Variants in CEP170 observed in about 807,000 individuals in gnomAD.
The protein encoded by CEP170 is centrosomal protein 170, also known as centrosomal protein of 170 kDa.
A neutral mutation model predicts 151.9 loss-of-function variants in CEP170; 21 were observed. The observed-to-expected ratio is 0.14, with a 90% CI of 0.10 to 0.20. CEP170 has a LOEUF of 0.20. CEP170 is among the 10% of genes least tolerant of loss of function. The pLI is 1.00. For missense variants in CEP170, 964 were observed against 1,892.9 expected (o/e 0.51, Z 9.11); for synonymous variants, 356 against 648.8 (o/e 0.55, Z 6.86).
At chr1:243,237,030 A>G (rs748319197) in intron 1 of CEP170, among the ~76,000 whole-genome samples, 1 of 152,236 alleles carries the variant, frequency 6.6e-6, no homozygotes, top group Non-Finnish European at 1.5e-5. Flanking sequence ...TTTCCATTGC[A>G]TTATCAGTAT....
At chr1:243,188,161 T>C (rs1228399474) in intron 8 of CEP170, among the ~76,000 whole-genome samples, 1 of 152,234 alleles carries the variant, frequency 6.6e-6, no homozygotes, top group East Asian at 1.9e-4. Context: ...TATTTCATTG[T>C]TGTAATGGCT....
chr1:243,181,932 C>A (rs2059641998), intron 10 of CEP170, among the ~76,000 whole-genome samples: 1 of 152,054 alleles, frequency 6.6e-6, no homozygotes, highest in Admixed American at 6.6e-5. Flanking sequence ...TTAATCTCAT[C>A]TCTTATTTTG....
chr1:243,171,938 T>C (rs2058875085), intron 11 of CEP170, among the ~76,000 whole-genome samples: 2 of 152,292 alleles, frequency 1.3e-5, no homozygotes, highest in South Asian at 2.1e-4. Context: ...AACCAAGCAA[T>C]CCTTAATTAA....
chr1:243,162,789 C>T (rs1046014207), intron 13 of CEP170, among the ~76,000 whole-genome samples: 7 of 152,064 alleles, frequency 4.6e-5, no homozygotes, highest in Non-Finnish European at 7.4e-5. Flanking sequence ...AGGAGTACAG[C>T]AGAAGAAATT....
intron 14 of CEP170, among the ~76,000 whole-genome samples, chr1:243,144,714 T>C (rs2056258851): frequency 6.6e-6 from 1 of 152,194 alleles, no homozygotes; most frequent in Non-Finnish European, 1.5e-5. Context: ...TGTGATATAG[T>C]AAAATATGTA....
intron 1 of CEP170, among the ~76,000 whole-genome samples, chr1:243,229,246 A>C (rs1460436310): frequency 1.3e-5 from 2 of 152,244 alleles, no homozygotes; most frequent in Non-Finnish European, 2.9e-5. Context: ...AACACAACCA[A>C]GGTCTTAACC....
intron 7 of CEP170, among the ~76,000 whole-genome samples, chr1:243,195,631 A>C (rs1255805444): frequency 1.3e-5 from 2 of 152,042 alleles, no homozygotes; most frequent in Non-Finnish European, 2.9e-5. Flanking sequence ...AGTATGCTAC[A>C]GGATAAATTA....
chr1:243,177,927 C>T (rs1321368898), intron 10 of CEP170, among the ~76,000 whole-genome samples: 1 of 152,108 alleles, frequency 6.6e-6, no homozygotes, highest in Non-Finnish European at 1.5e-5. Context: ...TGCACATTCA[C>T]AGCAGTGTTA....
intron 1 of CEP170, among the ~76,000 whole-genome samples, chr1:243,227,147 T>C (rs549651079): frequency 1.3e-5 from 2 of 152,304 alleles, no homozygotes; most frequent in African/African-American, 4.8e-5. Flanking sequence ...TCGTTAATAT[T>C]ACCACCTATC....
intron 14 of CEP170, among the ~76,000 whole-genome samples, chr1:243,150,685 G>A (rs2056981684): frequency 6.6e-6 from 1 of 151,206 alleles, no homozygotes; most frequent in African/African-American, 2.4e-5. Flanking sequence ...TTAAACGTGT[G>A]AGATCTACAC....
intron 6 of CEP170, among the ~76,000 whole-genome samples, chr1:243,200,264 G>A (rs1045173473): frequency 6.6e-6 from 1 of 151,958 alleles, no homozygotes; most frequent in Non-Finnish European, 1.5e-5. Flanking sequence ...AGTCCCCCAC[G>A]GATACTGAAG....
At chr1:243,134,752 C>T (rs1014354579) in intron 17 of CEP170, among the ~76,000 whole-genome samples, 6 of 151,846 alleles carry the variant, frequency 4.0e-5, no homozygotes, top group Non-Finnish European at 8.8e-5. Flanking sequence ...CCTTGGCCTC[C>T]CAAAGTGCTA....
intron 13 of CEP170, among the ~76,000 whole-genome samples, chr1:243,160,612 C>G (rs542886399): frequency 1.3e-5 from 2 of 152,190 alleles, no homozygotes; most frequent in South Asian, 2.1e-4. Context: ...TTTGCAAACA[C>G]GCTTCAGAAA....
At chr1:243,228,388 G>A (rs2063470643) in intron 1 of CEP170, among the ~76,000 whole-genome samples, 1 of 152,146 alleles carries the variant, frequency 6.6e-6, no homozygotes, top group Non-Finnish European at 1.5e-5. Flanking sequence ...ACTTCTTAAT[G>A]CAGATGTTGT....
At chr1:243,136,794 CA>C in intron 16 of CEP170, among the ~76,000 whole-genome samples, 2 of 150,656 alleles carry the variant, frequency 1.3e-5, no homozygotes, top group Non-Finnish European at 2.9e-5. Flanking sequence ...TGTAAAGAGC[CA>C]GAGGGTGAAG....
chr1:243,207,855 C>A (rs1228856413), intron 4 of CEP170, among the ~76,000 whole-genome samples: 31 of 149,608 alleles, frequency 2.1e-4, no homozygotes, highest in Non-Finnish European at 4.3e-4. Context: ...CTCTAAACAC[C>A]AGTATTAGAA....
At chr1:243,225,436 T>G (rs1040085013) in intron 1 of CEP170, 115 bp from the exon 2 acceptor site, 3 of 473,488 alleles carry the variant, frequency 6.3e-6, no homozygotes, top group Non-Finnish European at 1.1e-5. Flanking sequence ...TTATACTTAA[T>G]TAAATGAACT....
chr1:243,140,020 G>A lies in CEP170; in HGVS notation c.4147C>T (p.Arg1383Ter). ...GCTTGAGGTCTTGGATCACCAGATC[G>A]ACCGTTGTTTCCTTCTGGTGTTTTG... Reference protein sequence around the residue: ...HSKTPEGNNGRSGDPRPQAAE... With the variant: ...HSKTPEGNNG Residue 1383 changes from arginine to a stop codon, truncating the protein, a stop_gained, in exon 16 of 20, where the codon CGA becomes TGA. Transcript: ENST00000366542. LOFTEE classifies it high-confidence loss of function. 1 of 1,613,878 alleles carries A rather than the reference G, an allele frequency of 6.2e-7. No individual in the cohort carries two copies. The highest frequency in any genetic ancestry group is 8.5e-7 in the Non-Finnish European group (1 of 1,179,850).
intron 9 of CEP170, 69 bp from the exon 10 acceptor site, chr1:243,186,141 G>T (rs2059923084): frequency 6.2e-7 from 1 of 1,613,160 alleles, no homozygotes; most frequent in Non-Finnish European, 8.5e-7. Context: ...TTTGTATGTG[G>T]TGTTGAATAT....
Sources: gnomAD v4.1 joint callset for allele counts (sites outside exome capture counted in the v4.1 genomes callset) on GRCh38, gnomAD v4.1.1 for gene constraint, MANE v1.5 for transcripts, NCBI Gene and HGNC (gene_info 2026-07-23, HGNC 2026-07-21) for gene names.